GRID2: variants seen among roughly 807,000 people sequenced by gnomAD.
GRID2 encodes glutamate ionotropic receptor delta type subunit 2, also known as glutamate receptor ionotropic, delta-2.
Under a neutral mutation model 114.8 loss-of-function variants are expected in GRID2, and 33 were observed. The observed-to-expected ratio is 0.29, with a 90% CI of 0.22 to 0.38. The LOEUF (loss-of-function observed/expected upper bound fraction) is 0.38, where lower values mean the gene tolerates loss of function less well. Among genes scored for constraint, GRID2 ranks in the 10% least tolerant of loss-of-function variants. The pLI is 1.00. For synonymous variants in GRID2, 505 were observed against 449.9 expected (o/e 1.12, Z -1.55); for missense variants, 1,184 against 1,257.7 (o/e 0.94, Z 0.89).
At chr4:93,804,421 G>A (rs141105168) in intron 1 of GRID2, among the ~76,000 whole-genome samples, 54 of 152,156 alleles carry the variant, frequency 3.5e-4, no homozygotes, top group African/African-American at 1.2e-3. Context: ...GCTACCAACC[G>A]GTACAGCACG....
chr4:93,563,457 C>G (rs1274483464), intron 13 of GRID2, among the ~76,000 whole-genome samples: 7 of 151,806 alleles, frequency 4.6e-5, no homozygotes, highest in Non-Finnish European at 8.8e-5. Flanking sequence ...GTCCTAAGGA[C>G]AAACTAAATA....
intron 14 of GRID2, among the ~76,000 whole-genome samples, chr4:93,686,782 T>TA (rs969523367): frequency 6.6e-6 from 1 of 151,846 alleles, no homozygotes; most frequent in African/African-American, 2.4e-5. Context: ...GAAGAAATAG[T>TA]AAAAAGGCCA....
At chr4:93,635,163 T>A (rs555230633) in intron 14 of GRID2, among the ~76,000 whole-genome samples, 4 of 151,762 alleles carry the variant, frequency 2.6e-5, no homozygotes, top group African/African-American at 9.6e-5. Context: ...ACATCAGACT[T>A]TTTTTTAATT....
intron 4 of GRID2, among the ~76,000 whole-genome samples, chr4:93,159,834 T>G (rs1414193943): frequency 6.6e-5 from 10 of 151,448 alleles, no homozygotes; most frequent in Non-Finnish European, 1.2e-4. Flanking sequence ...AAAGACAAGA[T>G]GGGGGTAGGA....
chr4:92,927,954 T>C (rs969949667), intron 2 of GRID2, among the ~76,000 whole-genome samples: 2 of 151,766 alleles, frequency 1.3e-5, no homozygotes, highest in Admixed American at 6.6e-5. Context: ...GCTAATATTC[T>C]TTGGATGCCA....
intron 8 of GRID2, among the ~76,000 whole-genome samples, chr4:93,289,893 A>G (rs1286520982): frequency 6.6e-6 from 1 of 152,204 alleles, no homozygotes; most frequent in East Asian, 1.9e-4. Context: ...AATAAGGGAA[A>G]AAAATTGGAG....
At chr4:93,324,818 T>G (rs1200878750) in intron 8 of GRID2, among the ~76,000 whole-genome samples, 1 of 152,200 alleles carries the variant, frequency 6.6e-6, no homozygotes, top group Admixed American at 6.5e-5. Flanking sequence ...TCTAGTTTAC[T>G]TGCGTAGAGG....
chr4:93,102,950 C>T (rs2149342227), intron 3 of GRID2, among the ~76,000 whole-genome samples: 1 of 151,902 alleles, frequency 6.6e-6, no homozygotes, highest in African/African-American at 2.4e-5. Context: ...TACATATCAT[C>T]AAAGCACCCT....
chr4:92,393,604 G>A (rs1298544173), intron 1 of GRID2, among the ~76,000 whole-genome samples: 1 of 151,924 alleles, frequency 6.6e-6, no homozygotes, highest in Non-Finnish European at 1.5e-5. Context: ...TTCATTTTCT[G>A]TTCACTCCAT....
At chr4:93,400,859 C>T (rs2149338042) in intron 9 of GRID2, among the ~76,000 whole-genome samples, 1 of 152,156 alleles carries the variant, frequency 6.6e-6, no homozygotes, top group Admixed American at 6.6e-5. Context: ...TTTATTGAGA[C>T]AGGCTCTCAC....
chr4:92,772,715 G>T, intron 2 of GRID2, among the ~76,000 whole-genome samples: 1 of 152,082 alleles, frequency 6.6e-6, no homozygotes, highest in Non-Finnish European at 1.5e-5. Flanking sequence ...CCTGCAATTT[G>T]AAACACACTG....
At chr4:93,306,170 A>C (rs1178272131) in intron 8 of GRID2, 1 of 152,210 alleles carries the variant, frequency 6.6e-6, no homozygotes, top group East Asian at 1.9e-4. Context: ...AAACAGAGAG[A>C]GCCCAGGCTA....
intron 8 of GRID2, among the ~76,000 whole-genome samples, chr4:93,268,794 C>A (rs1035547574): frequency 5.3e-5 from 8 of 151,856 alleles, no homozygotes; most frequent in Non-Finnish European, 7.4e-5. Context: ...AATATAAAAG[C>A]ACTGAGCTAA....
chr4:92,866,495 A>C (rs1292718938), intron 2 of GRID2, among the ~76,000 whole-genome samples: 2 of 151,938 alleles, frequency 1.3e-5, no homozygotes, highest in East Asian at 3.9e-4. Context: ...TTTTTAATAA[A>C]GATAATTTTA....
At chr4:93,179,174 G>A (rs988820559) in intron 4 of GRID2, among the ~76,000 whole-genome samples, 5 of 152,122 alleles carry the variant, frequency 3.3e-5, no homozygotes, top group East Asian at 3.9e-4. Context: ...ATCTGAAACC[G>A]TTGGGTTTGT....
rs535097556 is a variant in GRID2, at chr4:93,407,229, G to A, written c.1347+11521G>A. On this transcript the variant is annotated intron_variant, in intron 9 of 15. Transcript: ENST00000282020. ...ATGGTACTCTAGGAGAGTCTGAAAT[G>A]AGAATAGATATCTTCAAAAAGCATC... 1.2e-4 allele frequency among the ~76,000 whole-genome samples: 18 copies of A among 152,242 alleles called. 1 individual carries two copies. The highest frequency in any genetic ancestry group is 5.2e-4 in the Admixed American group (8 of 15,272).
At chr4:92,912,223 C>T (rs191589049) in intron 2 of GRID2, among the ~76,000 whole-genome samples, 5 of 151,776 alleles carry the variant, frequency 3.3e-5, no homozygotes, top group Admixed American at 3.3e-4. Context: ...GATATATGAG[C>T]TTTTAACTTC....
chr4:93,160,220 G>T (rs1737563088), intron 4 of GRID2, among the ~76,000 whole-genome samples: 2 of 151,742 alleles, frequency 1.3e-5, no homozygotes, highest in Non-Finnish European at 1.5e-5. Context: ...AACAAGAATT[G>T]TGAAACACAG....
chr4:92,366,848 T>C (rs931476981), intron 1 of GRID2, among the ~76,000 whole-genome samples: 1 of 151,946 alleles, frequency 6.6e-6, no homozygotes, highest in African/African-American at 2.4e-5. Flanking sequence ...AAACTAAACA[T>C]CTCTGCACAG....
Sources: allele counts gnomAD v4.1 joint callset (sites outside exome capture counted in the v4.1 genomes callset), GRCh38; gene constraint gnomAD v4.1.1; transcripts MANE v1.5; gene names NCBI Gene and HGNC (gene_info 2026-07-23, HGNC 2026-07-21).